ZBTB40: variants seen among roughly 807,000 people sequenced by gnomAD.
ZBTB40 encodes zinc finger and BTB domain containing 40.
A neutral mutation model predicts 117.5 loss-of-function variants in ZBTB40; 60 were observed. The ratio of observed to expected loss-of-function variants is 0.51; its 90% CI spans 0.41 to 0.63. ZBTB40 has a LOEUF of 0.63. ZBTB40 is among the 30% of genes least tolerant of loss of function. ZBTB40 has a pLI of 0.00. For missense variants in ZBTB40, 1,287 were observed against 1,498.5 expected (o/e 0.86, Z 2.33); for synonymous variants, 525 against 577.1 (o/e 0.91, Z 1.29).
At chr1:22,491,742 A>G (rs545614572) in intron 3 of ZBTB40, among the ~76,000 whole-genome samples, 52 of 152,110 alleles carry the variant, frequency 3.4e-4, no homozygotes, top group Non-Finnish European at 6.9e-4. Flanking sequence ...CTTGATCACC[A>G]GGAGAATCCT....
intron 17 of ZBTB40, among the ~76,000 whole-genome samples, chr1:22,525,556 G>GA (rs1241582741): frequency 1.3e-5 from 2 of 152,242 alleles, no homozygotes; most frequent in Non-Finnish European, 2.9e-5. Flanking sequence ...CCTAACCACA[G>GA]ACTCATTCTC....
chr1:22,471,933 G>A (rs765559572), intron 1 of ZBTB40, among the ~76,000 whole-genome samples: 10 of 152,240 alleles, frequency 6.6e-5, no homozygotes, highest in Non-Finnish European at 1.3e-4. Context: ...GTAGTGTCAA[G>A]AGCGGATGGT....
chr1:22,502,392 A>G lies in ZBTB40; in HGVS notation c.1118A>G (p.Glu373Gly), dbSNP rs1245355978. 4 of 1,614,132 alleles carry G rather than the reference A, an allele frequency of 2.5e-6. No homozygotes were observed. Among genetic ancestry groups the G allele is most frequent in the Non-Finnish European group, 2.5e-6 (3 of 1,179,986 alleles). Residue 373 changes from glutamate to glycine, a missense_variant, in exon 5 of 18, where the codon GAG becomes GGG. Coordinates refer to ENST00000375647, the MANE Select transcript of ZBTB40 (RefSeq NM_014870.4). ...GTAACACAGCTGAGACCTATTATGG[A>G]GTCCCTGGAAACAGCCAAGGAGGAA... is the stretch of plus-strand genomic sequence containing the variant. ...QCVTQLRPIM[E>G]SLETAKEEFL...
In ZBTB40 at chr1:22,444,647, G is replaced by A. The variant is rs1044180189; in HGVS notation, c.-70+15633G>A. Reference sequence around the variant, plus strand: ...GGAAGAATGCCTCAAGTGAGCATGCGTACGACTTCAGTAAACTCACTGTGC... The same window carrying A: ...GGAAGAATGCCTCAAGTGAGCATGCATACGACTTCAGTAAACTCACTGTGC... On this transcript the variant is annotated intron_variant, in intron 1 of 8. Coordinates refer to the ZBTB40 transcript ENST00000650433. 4.3e-4 allele frequency among the ~76,000 whole-genome samples: 66 copies of A among 152,254 alleles called. No homozygotes were observed. The Middle Eastern group carries it at 0.014, about 31-fold the overall frequency.
At chr1:22,478,182 A>G (rs916248063) in intron 1 of ZBTB40, among the ~76,000 whole-genome samples, 1 of 152,078 alleles carries the variant, frequency 6.6e-6, no homozygotes, top group Non-Finnish European at 1.5e-5. Flanking sequence ...TTTGAACCCC[A>G]CACTGCCACA....
chr1:22,496,196 T>C (rs745788512), intron 3 of ZBTB40, among the ~76,000 whole-genome samples: 3 of 152,166 alleles, frequency 2.0e-5, no homozygotes, highest in Non-Finnish European at 2.9e-5. Context: ...ACGTGTCCAT[T>C]AACAGCACTC....
chr1:22,507,758 G>A (rs1438470953), intron 6 of ZBTB40, among the ~76,000 whole-genome samples: 1 of 152,184 alleles, frequency 6.6e-6, no homozygotes, highest in Admixed American at 6.5e-5. Flanking sequence ...GCAATTGCTA[G>A]CTCCTACCAC....
chr1:22,511,258 T>C lies in ZBTB40; in HGVS notation c.1913T>C (p.Val638Ala). ...CTGAGCAGAGCCATGGAAAAATCAG[T>C]CCCGGCCATTGAAATATGCCACCTC... ...AVLSRAMEKS[V>A]PAIEICHLLC... Residue 638 changes from valine to alanine, a missense_variant, in exon 10 of 18, where the codon GTC becomes GCC. Val to Ala is a moderately conservative substitution (Grantham distance 64). Coordinates refer to ENST00000375647, the MANE Select transcript of ZBTB40 (RefSeq NM_014870.4). 4.3e-6 allele frequency: 7 copies of C among 1,614,048 alleles called. No homozygotes were observed. Among genetic ancestry groups the C allele is most frequent in the Non-Finnish European group, 5.1e-6 (6 of 1,180,036 alleles).
chr1:22,517,775 A>C, intron 13 of ZBTB40: 1 of 322,546 alleles, frequency 3.1e-6, no homozygotes, highest in Non-Finnish European at 5.8e-6. Context: ...TGATTGGCTC[A>C]CAGAGCACTG....
rs1638580961 is a variant in ZBTB40 at position 22,490,083 on chromosome 1, C to G, written c.135C>G (p.Ala45=). Residue 45 remains alanine (A), a synonymous_variant, in exon 2 of 18, where the codon GCC becomes GCG. Coordinates refer to ENST00000375647, the MANE Select transcript of ZBTB40 (RefSeq NM_014870.4). ...FRAHKLVLAA[A]SLLFKTLLDN... ...CTCACAAGCTTGTCCTGGCTGCTGC[C>G]AGCCTCCTGTTCAAAACCCTGCTGG... is the stretch of plus-strand genomic sequence containing the variant. The G allele has an allele frequency of 6.2e-7, 1 of 1,614,090 alleles. No individual in the cohort carries two copies. Among genetic ancestry groups the G allele is most frequent in the Admixed American group, 1.7e-5 (1 of 60,012 alleles).
At chr1:22,522,769 A>T (rs169711) in intron 16 of ZBTB40, among the ~76,000 whole-genome samples, 4,806 of 124,708 alleles carry the variant, frequency 0.039, 280 homozygotes, top group African/African-American at 0.12. Flanking sequence ...TACCATTTTT[A>T]TTTTTTTTTT....
intron 1 of ZBTB40, among the ~76,000 whole-genome samples, chr1:22,479,604 T>C (rs1569814199): frequency 6.6e-6 from 1 of 152,186 alleles, no homozygotes; most frequent in Non-Finnish European, 1.5e-5. Context: ...TCTGTGTTGA[T>C]ATTTTGAAGC....
intron 1 of ZBTB40, among the ~76,000 whole-genome samples, chr1:22,480,112 G>T (rs1242448158): frequency 6.6e-6 from 1 of 152,088 alleles, no homozygotes; most frequent in Non-Finnish European, 1.5e-5. Flanking sequence ...TCGCCGTGTT[G>T]GCTGGCTGGT....
intron 1 of ZBTB40, among the ~76,000 whole-genome samples, chr1:22,437,439 G>C (rs879714149): frequency 2.5e-4 from 25 of 100,088 alleles, no homozygotes; most frequent in Non-Finnish European, 4.7e-4. Context: ...TTTTTTTTTT[G>C]AGATGGAGTC....
chr1:22,462,901 A>G (rs1309545282), intron 1 of ZBTB40, among the ~76,000 whole-genome samples: 1 of 152,230 alleles, frequency 6.6e-6, no homozygotes, highest in Non-Finnish European at 1.5e-5. Context: ...TAGAAGATAC[A>G]TATGTAACTT....
At chr1:22,452,361 G>A (rs1640898832) in intron 1 of ZBTB40, among the ~76,000 whole-genome samples, 6 of 152,216 alleles carry the variant, frequency 3.9e-5, no homozygotes, top group Admixed American at 3.9e-4. Flanking sequence ...CCCTTCGCCG[G>A]GCGTCAGCGG....
At chr1:22,447,850 T>C (rs1052674752), upstream of ZBTB40, among the ~76,000 whole-genome samples, 2 of 152,226 alleles carry the variant, frequency 1.3e-5, no homozygotes, top group African/African-American at 4.8e-5. Context: ...AGCTGAAGAC[T>C]GAGCTTCATT....
intron 1 of ZBTB40, among the ~76,000 whole-genome samples, chr1:22,464,316 G>A (rs911856675): frequency 1.3e-5 from 2 of 152,164 alleles, no homozygotes; most frequent in African/African-American, 4.8e-5. Context: ...CATGAAAGCC[G>A]TGGGCCCTCT....
chr1:22,493,738 G>A lies in ZBTB40; in HGVS notation c.831+2205G>A, dbSNP rs115559636. Among the ~76,000 whole-genome samples, 1,315 of 151,460 alleles carry A rather than the reference G, an allele frequency of 8.7e-3. 9 individuals are homozygous for A. Among genetic ancestry groups the A allele is most frequent in the African/African-American group, 0.03 (1,249 of 41,286 alleles). On this transcript the variant is annotated intron_variant, in intron 3 of 17. Transcript: ENST00000375647. ...GAGTATTGTATAAATGGAGTCATAT[G>A]GTGTGTATTTTTTGTCTGGCTTTCA...
Sources: gnomAD v4.1 joint callset for allele counts (sites outside exome capture counted in the v4.1 genomes callset) on GRCh38, gnomAD v4.1.1 for gene constraint, MANE v1.5 for transcripts, NCBI Gene and HGNC (gene_info 2026-07-23, HGNC 2026-07-21) for gene names.